The following TMEM164 variants were observed in gnomAD, a reference collection of about 807,000 sequenced individuals.
TMEM164 encodes transmembrane protein 164, also known as RP13-360B22.2.
A neutral mutation model predicts 18.8 loss-of-function variants in TMEM164; 4 were observed. The ratio of observed to expected loss-of-function variants is 0.21; its 90% CI spans 0.10 to 0.49. TMEM164 has a LOEUF of 0.49. Ranked by LOEUF, TMEM164 falls within the 20% of genes least tolerant of loss-of-function variation. The pLI is 0.98. For missense variants in TMEM164, 108 were observed against 239.9 expected (o/e 0.45, Z 3.63); for synonymous variants, 86 against 101.7 (o/e 0.85, Z 0.93).
intron 2 of TMEM164, among the ~76,000 whole-genome samples, chrX:110,030,251 G>A (rs890309217): frequency 2.9e-5 from 3 of 103,521 alleles, no homozygotes; most frequent in Non-Finnish European, 5.9e-5. Flanking sequence ...CTCCCGAGTA[G>A]CTGAGATTAC....
intron 4 of TMEM164, among the ~76,000 whole-genome samples, chrX:110,110,099 G>A (rs2066270484): frequency 9.0e-6 from 1 of 111,276 alleles, no homozygotes; most frequent in Non-Finnish European, 1.9e-5. Context: ...TACAGAGGAA[G>A]AAAATTTTAC....
intron 2 of TMEM164, among the ~76,000 whole-genome samples, chrX:110,008,906 C>T (rs1233361214): frequency 9.0e-6 from 1 of 111,593 alleles, no homozygotes; most frequent in Non-Finnish European, 1.9e-5. Flanking sequence ...GACTCAGAAA[C>T]CGACAAAGCT....
intron 2 of TMEM164, among the ~76,000 whole-genome samples, chrX:110,043,958 C>G (rs1602522435): frequency 8.9e-6 from 1 of 112,144 alleles, no homozygotes; most frequent in East Asian, 2.8e-4. Flanking sequence ...ATTTTAACAG[C>G]TACATAATAT....
At chrX:110,080,078 T>C (rs1309616302) in intron 3 of TMEM164, among the ~76,000 whole-genome samples, 1 of 111,602 alleles carries the variant, frequency 9.0e-6, no homozygotes, top group African/African-American at 3.3e-5. Context: ...TCACCATCCT[T>C]CCACCCAAGC....
At position 110,067,380 on chromosome X, in the gene TMEM164, G is replaced by A; in HGVS notation, c.424G>A (p.Ala142Thr). The A allele has an allele frequency of 8.3e-7, 1 of 1,211,283 alleles. No homozygotes were observed. The highest frequency in any genetic ancestry group is 1.8e-5 in the South Asian group (1 of 56,978). The change falls in exon 3 of 7, where the codon GCT becomes ACT. Residue 142 changes from alanine to threonine, a missense_variant. Coordinates refer to ENST00000372068, the MANE Select transcript of TMEM164 (RefSeq NM_032227.4). ...FLLACPPCRG[A>T]IVVFKLQMHM... ...CCTGGCCTGCCCTCCATGTCGGGGA[G>A]CTATCGTCGTCTTCAAGTAAGAGAA...
chrX:110,052,011 A>AT (rs1322262840), intron 2 of TMEM164, among the ~76,000 whole-genome samples: 1 of 111,902 alleles, frequency 8.9e-6, no homozygotes, highest in African/African-American at 3.2e-5. Flanking sequence ...TTTCCTTCTG[A>AT]TTTTTATCTC....
At chrX:110,093,003 G>A (rs1003414312) in intron 3 of TMEM164, among the ~76,000 whole-genome samples, 8 of 111,798 alleles carry the variant, frequency 7.2e-5, no homozygotes, top group Non-Finnish European at 1.3e-4. Context: ...TTTATATGAC[G>A]GGTTATGTTT....
At chrX:110,141,397 A>G (rs1452069445) in intron 4 of TMEM164, among the ~76,000 whole-genome samples, 2 of 112,227 alleles carry the variant, frequency 1.8e-5, no homozygotes, top group East Asian at 5.6e-4. Context: ...GGTAACTTAT[A>G]AAGAAAAAGA....
chrX:110,090,956 T>C (rs892829057), intron 3 of TMEM164, among the ~76,000 whole-genome samples: 4 of 107,925 alleles, frequency 3.7e-5, no homozygotes, highest in Admixed American at 3.0e-4. Flanking sequence ...GAACATGCAG[T>C]ATTTGGTTTT....
At chrX:110,178,765 A>G (rs910942583), downstream of TMEM164, among the ~76,000 whole-genome samples, 3 of 112,869 alleles carry the variant, frequency 2.7e-5, no homozygotes, top group East Asian at 8.3e-4. Context: ...ATTACCTCTT[A>G]GAATCCCCAT....
At chrX:110,075,550 A>G (rs1450910720) in intron 3 of TMEM164, among the ~76,000 whole-genome samples, 4 of 111,785 alleles carry the variant, frequency 3.6e-5, no homozygotes, top group Admixed American at 2.9e-4. Flanking sequence ...CTCAAGGGGA[A>G]TGCTTCCAGC....
At chrX:110,181,367 C>T (rs1191846856), downstream of TMEM164, among the ~76,000 whole-genome samples, 1 of 112,292 alleles carries the variant, frequency 8.9e-6, no homozygotes, top group African/African-American at 3.3e-5. Context: ...TCCTCAGCAC[C>T]TCAGGGTTGC....
chrX:110,078,986 A>G lies in TMEM164; in HGVS notation c.440+11590A>G, dbSNP rs751663945. Reference sequence around the variant, plus strand: ...AATTTAATTCATCCCTAAAGAATGCAATTTAATTCATCCCTGAAGAACTGA... The same window carrying G: ...AATTTAATTCATCCCTAAAGAATGCGATTTAATTCATCCCTGAAGAACTGA... On this transcript the variant is annotated intron_variant, in intron 3 of 6. Coordinates refer to ENST00000372068, the MANE Select transcript of TMEM164 (RefSeq NM_032227.4). Among the ~76,000 whole-genome samples, 13 of 112,127 alleles carry G rather than the reference A, an allele frequency of 1.2e-4. No homozygotes were observed. In the South Asian group the frequency reaches 1.9e-3, roughly 16 times the overall value.
At chrX:110,180,278 G>T (rs1231826802), downstream of TMEM164, among the ~76,000 whole-genome samples, 8 of 112,599 alleles carry the variant, frequency 7.1e-5, no homozygotes, top group Non-Finnish European at 1.1e-4. Flanking sequence ...CCCCGCTGAG[G>T]GGTAGGGAGC....
chrX:110,065,886 C>T (rs2147848328), intron 2 of TMEM164, among the ~76,000 whole-genome samples: 1 of 112,203 alleles, frequency 8.9e-6, no homozygotes, highest in South Asian at 3.7e-4. Context: ...TCGTATTTTG[C>T]TGTAACATTA....
Position 110,173,422 on chromosome X carries a change from C to T in TMEM164, c.865C>T (p.Leu289Phe), listed in dbSNP as rs753646007. 1.2e-5 allele frequency: 14 copies of T among 1,209,657 alleles called. No individual in the cohort carries two copies. Among genetic ancestry groups the T allele is most frequent in the Non-Finnish European group, 1.2e-5 (11 of 895,014 alleles). Reference sequence around the variant, plus strand: ...CTTGTGTAAATATCTGCTGGATTTGCTCCGGCTTCCAGCCAAGAAAATAGA... The same window carrying T: ...CTTGTGTAAATATCTGCTGGATTTGTTCCGGCTTCCAGCCAAGAAAATAGA... ...GPLCKYLLDLLRLPAKKID is the reference protein window; with the variant it reads ...GPLCKYLLDLFRLPAKKID Residue 289 changes from leucine to phenylalanine, a missense_variant, in exon 7 of 7, where the codon CTC (leucine) becomes TTC (phenylalanine). Leu to Phe is a conservative substitution (Grantham distance 22, BLOSUM62 0). Transcript: ENST00000372068.
intron 4 of TMEM164, among the ~76,000 whole-genome samples, chrX:110,127,098 A>G (rs1206539121): frequency 2.7e-5 from 3 of 110,988 alleles, no homozygotes; most frequent in Non-Finnish European, 5.7e-5. Context: ...TGAGCAAGGG[A>G]ATGGCAGCTC....
chrX:110,127,282 G>T (rs1281112905), intron 4 of TMEM164, among the ~76,000 whole-genome samples: 1 of 111,510 alleles, frequency 9.0e-6, no homozygotes, highest in Non-Finnish European at 1.9e-5. Context: ...AGAGGCTGAG[G>T]CGGGCAGATC....
intron 2 of TMEM164, among the ~76,000 whole-genome samples, chrX:110,006,451 A>G (rs1160626362): frequency 2.7e-5 from 3 of 110,996 alleles, no homozygotes; most frequent in African/African-American, 9.9e-5. Flanking sequence ...TTTCCCCTAA[A>G]TCACTGCTTT....
Sources: allele counts gnomAD v4.1 joint callset (sites outside exome capture counted in the v4.1 genomes callset), GRCh38; gene constraint gnomAD v4.1.1; transcripts MANE v1.5; gene names NCBI Gene and HGNC (gene_info 2026-07-23, HGNC 2026-07-21).